RAD51B: variants seen among roughly 807,000 people sequenced by gnomAD.
The protein encoded by RAD51B is RAD51 paralog B, also known as DNA repair protein RAD51 homolog 2.
A neutral mutation model predicts 42.2 loss-of-function variants in RAD51B; 38 were observed. That is an observed-to-expected ratio of 0.90 (90% confidence interval 0.70 to 1.18). The LOEUF (loss-of-function observed/expected upper bound fraction) is 1.18, where lower values mean the gene tolerates loss of function less well. Among genes scored for constraint, RAD51B ranks in the 50% most tolerant of loss-of-function variants. The probability of loss-of-function intolerance (pLI) is 0.00; values close to 1 mark genes in which losing one functional copy is unlikely to be tolerated. For synonymous variants in RAD51B, 154 were observed against 145.2 expected, an observed-to-expected ratio of 1.06 and a Z score of -0.43; for missense variants, 373 against 400.7, an observed-to-expected ratio of 0.93 and a Z score of 0.59.
chr14:68,501,405 G>A (rs186426381), intron 10 of RAD51B, among the ~76,000 whole-genome samples: 194 of 152,336 alleles, frequency 1.3e-3, no homozygotes, highest in Non-Finnish European at 2.2e-3. Flanking sequence ...AAAGGGCAAC[G>A]TGCAGCCTAA....
At chr14:68,342,462 A>G (rs1032947877) in intron 8 of RAD51B, among the ~76,000 whole-genome samples, 5 of 152,148 alleles carry the variant, frequency 3.3e-5, no homozygotes, top group Non-Finnish European at 7.4e-5. Context: ...ACATTCAGAT[A>G]TTGTCCTCCA....
intron 7 of RAD51B, among the ~76,000 whole-genome samples, chr14:67,998,628 C>T (rs576199133): frequency 1.3e-5 from 2 of 152,200 alleles, no homozygotes; most frequent in African/African-American, 2.4e-5. Flanking sequence ...ACGCTGCAGC[C>T]GCAAGTGCCA....
intron 8 of RAD51B, among the ~76,000 whole-genome samples, chr14:68,341,914 C>T (rs993180734): frequency 6.6e-6 from 1 of 152,076 alleles, no homozygotes; most frequent in African/African-American, 2.4e-5. Context: ...GCATATAGTG[C>T]ACTTTCACAT....
intron 10 of RAD51B, chr14:68,541,213 C>G: frequency 1.0e-6 from 1 of 985,390 alleles, no homozygotes; most frequent in Non-Finnish European, 1.2e-6. Context: ...TGCTCAGCTC[C>G]GTTCGGGCTC....
At chr14:67,921,622 C>CACACAT (rs1491508018) in intron 7 of RAD51B, among the ~76,000 whole-genome samples, 10 of 128,264 alleles carry the variant, frequency 7.8e-5, no homozygotes, top group African/African-American at 2.9e-4. Context: ...CACACACACA[C>CACACAT]ATTTTGTGGT....
intron 7 of RAD51B, among the ~76,000 whole-genome samples, chr14:67,965,541 G>A (rs1360781740): frequency 1.3e-5 from 2 of 152,040 alleles, no homozygotes; most frequent in East Asian, 1.9e-4. Context: ...TAACACATAA[G>A]GGATAAAGTC....
intron 7 of RAD51B, among the ~76,000 whole-genome samples, chr14:68,031,884 C>G (rs890785411): frequency 2.6e-5 from 4 of 152,200 alleles, no homozygotes; most frequent in African/African-American, 9.7e-5. Context: ...GTTGCTTCTG[C>G]TCTGAATGAT....
In RAD51B at chr14:68,264,740, C is replaced by T. The variant is rs77883198; in HGVS notation, c.757-27144C>T. ...AGAAACTCATTTAGGAGGATTAGAG[C>T]ATGCTGAATGAGATGTCAGAAGCTT... On this transcript the variant is annotated intron_variant, in intron 7 of 10. Transcript: ENST00000471583. 8.0e-3 allele frequency among the ~76,000 whole-genome samples: 1,217 copies of T among 152,220 alleles called. 14 individuals are homozygous for T. Among genetic ancestry groups the T allele is most frequent in the African/African-American group, 0.028 (1,173 of 41,518 alleles).
intron 7 of RAD51B, among the ~76,000 whole-genome samples, chr14:67,962,051 T>C (rs1023188235): frequency 2.0e-5 from 3 of 152,162 alleles, no homozygotes; most frequent in Non-Finnish European, 4.4e-5. Flanking sequence ...GAAGCACATC[T>C]GAGGACAAGA....
chr14:68,435,172 C>T (rs1036154085), intron 9 of RAD51B, among the ~76,000 whole-genome samples: 4 of 152,098 alleles, frequency 2.6e-5, no homozygotes, highest in Non-Finnish European at 5.9e-5. Flanking sequence ...TAAACCCTTT[C>T]CCCCATCCTC....
At chr14:68,151,167 C>G (rs2140773467) in intron 7 of RAD51B, among the ~76,000 whole-genome samples, 1 of 151,658 alleles carries the variant, frequency 6.6e-6, no homozygotes, top group African/African-American at 2.4e-5. Flanking sequence ...TGAAAGATAT[C>G]TTTGTTGGGT....
chr14:68,345,400 A>G (rs1444257239), intron 8 of RAD51B, among the ~76,000 whole-genome samples: 1 of 152,130 alleles, frequency 6.6e-6, no homozygotes, highest in East Asian at 1.9e-4. Flanking sequence ...TCCTTCATGA[A>G]TGGCTTAGTC....
At position 68,143,066 on chromosome 14, in the gene RAD51B, A is replaced by G. The variant is rs1013778258; in HGVS notation, c.757-148818A>G. ...GTCTGAGATGGAGTCCTAAAGGAAC[A>G]CTGTGATTTCTGTGGACAGGTGACT... is the stretch of plus-strand genomic sequence containing the variant. On this transcript the variant is annotated intron_variant, in intron 7 of 10. Coordinates refer to ENST00000471583, the MANE Select transcript of RAD51B (RefSeq NM_133510.4). Among the ~76,000 whole-genome samples, 2 of 152,052 alleles carry G rather than the reference A, an allele frequency of 1.3e-5. 1 individual carries two copies. The highest frequency in any genetic ancestry group is 4.1e-4 in the South Asian group (2 of 4,822).
intron 8 of RAD51B, among the ~76,000 whole-genome samples, chr14:68,359,607 T>C (rs1209459923): frequency 6.6e-6 from 1 of 152,224 alleles, no homozygotes; most frequent in Non-Finnish European, 1.5e-5. Flanking sequence ...ACAGTTCCTA[T>C]GGCCGTTACC....
chr14:68,465,708 A>C (rs1481606485), intron 9 of RAD51B, among the ~76,000 whole-genome samples: 4 of 152,174 alleles, frequency 2.6e-5, no homozygotes, highest in Non-Finnish European at 5.9e-5. Context: ...TTGGGAGGCC[A>C]GGGCAGGCGG....
intron 10 of RAD51B, among the ~76,000 whole-genome samples, chr14:68,606,712 A>G (rs1891461662): frequency 6.6e-6 from 1 of 152,178 alleles, no homozygotes; most frequent in South Asian, 2.1e-4. Context: ...CTTAGACGAA[A>G]ACCTAGGCAC....
At chr14:68,562,599 A>T (rs1165584547) in intron 10 of RAD51B, 2 of 985,340 alleles carry the variant, frequency 2.0e-6, no homozygotes, top group Non-Finnish European at 2.4e-6. Context: ...GTAATGAGGC[A>T]GCAATATTAT....
intron 8 of RAD51B, among the ~76,000 whole-genome samples, chr14:68,308,391 T>C (rs768993615): frequency 2.0e-5 from 3 of 152,282 alleles, no homozygotes; most frequent in Non-Finnish European, 4.4e-5. Context: ...GGACACAACA[T>C]GGATCCTATT....
intron 7 of RAD51B, among the ~76,000 whole-genome samples, chr14:68,182,315 C>G (rs1566710502): frequency 6.6e-6 from 1 of 152,168 alleles, no homozygotes; most frequent in Non-Finnish European, 1.5e-5. Flanking sequence ...TAGTTTGGAT[C>G]AACATGTTGG....
Sources: allele counts gnomAD v4.1 joint callset (sites outside exome capture counted in the v4.1 genomes callset), GRCh38; gene constraint gnomAD v4.1.1; transcripts MANE v1.5; gene names NCBI Gene and HGNC (gene_info 2026-07-23, HGNC 2026-07-21).